Variants in WWOX observed in about 807,000 individuals in gnomAD.
The protein encoded by WWOX is WW domain-containing oxidoreductase.
A neutral mutation model predicts 46.2 loss-of-function variants in WWOX; 69 were observed. The ratio of observed to expected loss-of-function variants is 1.49; its 90% CI spans 1.23 to 1.82. The LOEUF (loss-of-function observed/expected upper bound fraction) is 1.82. WWOX is among the 40% of genes most tolerant of loss of function. WWOX has a pLI of 0.00. For missense variants in WWOX, 919 were observed against 542.6 expected (o/e 1.69, Z -6.89); for synonymous variants, 359 against 202.6 (o/e 1.77, Z -6.56).
intron 8 of WWOX, among the ~76,000 whole-genome samples, chr16:78,745,498 C>G (rs1455036252): frequency 6.8e-6 from 1 of 147,340 alleles, no homozygotes; most frequent in African/African-American, 2.5e-5. Flanking sequence ...GGGGTCACTC[C>G]ATAGAGAGGG....
intron 5 of WWOX, among the ~76,000 whole-genome samples, chr16:78,385,380 T>G (rs1188146811): frequency 6.6e-6 from 1 of 152,178 alleles, no homozygotes; most frequent in African/African-American, 2.4e-5. Flanking sequence ...GTTAAATTAA[T>G]TAGATAATTT....
intron 8 of WWOX, among the ~76,000 whole-genome samples, chr16:79,058,118 A>C (rs74943278): frequency 1.2e-3 from 54 of 43,974 alleles, no homozygotes; most frequent in South Asian, 1.9e-3. Context: ...AAAAAAAAAA[A>C]AACAAACAAA....
intron 8 of WWOX, among the ~76,000 whole-genome samples, chr16:78,700,093 G>T (rs2048180327): frequency 6.6e-6 from 1 of 151,790 alleles, no homozygotes; most frequent in Admixed American, 6.6e-5. Context: ...CTGTCCTAGG[G>T]TCATTTTTTT....
intron 4 of WWOX, among the ~76,000 whole-genome samples, chr16:78,138,660 C>A (rs895411368): frequency 1.3e-5 from 2 of 152,206 alleles, no homozygotes; most frequent in Admixed American, 6.5e-5. Context: ...ATAAAACACA[C>A]TGGGGACAGC....
intron 8 of WWOX, among the ~76,000 whole-genome samples, chr16:78,611,693 C>G (rs531125356): frequency 4.5e-4 from 68 of 152,328 alleles, no homozygotes; most frequent in Non-Finnish European, 7.6e-4. Context: ...TTCCAAATAT[C>G]AGTGCTTTCA....
At chr16:78,115,426 C>A (rs939666839) in intron 4 of WWOX, among the ~76,000 whole-genome samples, 1 of 152,096 alleles carries the variant, frequency 6.6e-6, no homozygotes, top group Non-Finnish European at 1.5e-5. Context: ...CAACAGGCTC[C>A]GTCTAAGAGT....
chr16:78,453,900 T>C lies in WWOX; in HGVS notation c.1056+21148T>C, dbSNP rs978432145. Among the ~76,000 whole-genome samples the C allele has an allele frequency of 2.6e-5, 4 of 152,180 alleles. No individual in the cohort carries two copies. In the East Asian group the frequency reaches 5.8e-4, roughly 22 times the overall value. ...TGTACATGCCAAGTTTTACAGCTTT[T>C]TGTATCATGAGTTTTCTTTTGCATC... is the stretch of plus-strand genomic sequence containing the variant. On this transcript the variant is annotated intron_variant, in intron 8 of 8. Transcript: ENST00000566780.
chr16:78,351,149 C>T lies in WWOX; in HGVS notation c.517-35711C>T, dbSNP rs573283421. 3.5e-4 allele frequency among the ~76,000 whole-genome samples: 54 copies of T among 152,272 alleles called. 2 individuals carry two copies. The South Asian group carries it at 0.01, about 29-fold the overall frequency. On this transcript the variant is annotated intron_variant, in intron 5 of 8. Transcript: ENST00000566780. ...ATGCCCACCTCATTTTCTTACAGTG[C>T]AGTGTGTGCTTTTAGGCACATACCA...
chr16:78,608,356 A>G (rs539012793), intron 8 of WWOX, among the ~76,000 whole-genome samples: 8 of 152,336 alleles, frequency 5.3e-5, no homozygotes, highest in Non-Finnish European at 1.2e-4. Context: ...CTTACCATTT[A>G]TGAAACCAGA....
chr16:78,141,978 T>C (rs1261001769), intron 4 of WWOX, among the ~76,000 whole-genome samples: 1 of 133,146 alleles, frequency 7.5e-6, no homozygotes, highest in Non-Finnish European at 1.6e-5. Flanking sequence ...TTCTTCCTTA[T>C]AAAATTTTAA....
intron 5 of WWOX, among the ~76,000 whole-genome samples, chr16:78,297,189 C>T (rs1469320343): frequency 1.3e-5 from 2 of 152,148 alleles, no homozygotes; most frequent in African/African-American, 4.8e-5. Flanking sequence ...CTTTCCCTCC[C>T]ATCCAGATTG....
intron 8 of WWOX, among the ~76,000 whole-genome samples, chr16:78,894,550 C>T (rs891349112): frequency 2.0e-5 from 3 of 152,182 alleles, no homozygotes; most frequent in African/African-American, 7.2e-5. Context: ...GTAATCCAGC[C>T]TGATTCTAAT....
At chr16:78,877,204 T>C (rs10492911) in intron 8 of WWOX, among the ~76,000 whole-genome samples, 12,133 of 152,238 alleles carry the variant, frequency 0.08, 747 homozygotes, top group South Asian at 0.23. Context: ...TAAGACTTTA[T>C]ATCCCATTTC....
intron 8 of WWOX, among the ~76,000 whole-genome samples, chr16:78,821,839 G>A (rs1019837349): frequency 6.6e-6 from 1 of 152,124 alleles, no homozygotes; most frequent in African/African-American, 2.4e-5. Context: ...TGAGTCCAAA[G>A]CTAACAATTC....
At chr16:78,667,584 T>G (rs1234060610) in intron 8 of WWOX, among the ~76,000 whole-genome samples, 1 of 137,798 alleles carries the variant, frequency 7.3e-6, no homozygotes, top group African/African-American at 2.8e-5. Context: ...GGCAGGAGAA[T>G]GGCATGAACC....
At chr16:78,461,035 C>G (rs529763362) in intron 8 of WWOX, among the ~76,000 whole-genome samples, 6 of 152,334 alleles carry the variant, frequency 3.9e-5, no homozygotes, top group Admixed American at 3.9e-4. Flanking sequence ...ACATCTGACA[C>G]AGTGTTGGTG....
At chr16:78,103,979 G>A (rs1597199220) in intron 1 of WWOX, among the ~76,000 whole-genome samples, 2 of 152,132 alleles carry the variant, frequency 1.3e-5, no homozygotes, top group East Asian at 1.9e-4. Context: ...GAGGTAGACC[G>A]GGAACCCAAG....
chr16:79,197,120 C>G (rs760767147), intron 8 of WWOX, among the ~76,000 whole-genome samples: 3 of 152,090 alleles, frequency 2.0e-5, no homozygotes, highest in Non-Finnish European at 4.4e-5. Context: ...GTTATAGGGA[C>G]CAAGTTGAAA....
intron 8 of WWOX, among the ~76,000 whole-genome samples, chr16:78,707,879 AAATAAATAAAGT>A (rs796106840): frequency 1.4e-5 from 2 of 147,656 alleles, no homozygotes; most frequent in South Asian, 2.2e-4. Flanking sequence ...ATAAATAAAT[AAATAAATAAAGT>A]ATCTGTCCCC....
Sources: gnomAD v4.1 joint callset for allele counts (sites outside exome capture counted in the v4.1 genomes callset) on GRCh38, gnomAD v4.1.1 for gene constraint, MANE v1.5 for transcripts, NCBI Gene and HGNC (gene_info 2026-07-23, HGNC 2026-07-21) for gene names.